Variants in PSD3 observed in about 807,000 individuals in gnomAD.
The protein encoded by PSD3 is PH and SEC7 domain-containing protein 3.
PSD3 carries 49 observed loss-of-function variants against 105.5 expected under a neutral mutation model. The observed-to-expected ratio is 0.46, with a 90% confidence interval of 0.37 to 0.59. PSD3 has a LOEUF of 0.59. Among genes scored for constraint, PSD3 ranks in the 20% least tolerant of loss-of-function variants. PSD3 has a pLI of 0.00. For synonymous variants in PSD3, 557 were observed against 457.8 expected (o/e 1.22, Z -2.77); for missense variants, 1,561 against 1,263.8 (o/e 1.24, Z -3.57).
intron 9 of PSD3, among the ~76,000 whole-genome samples, chr8:18,656,386 T>C (rs111970972): frequency 1.3e-5 from 2 of 150,126 alleles, no homozygotes; most frequent in Non-Finnish European, 3.0e-5. Context: ...ATGAAAGAAA[T>C]AGAATTGTTT....
At chr8:18,583,948 T>C (rs1016486602) in intron 12 of PSD3, among the ~76,000 whole-genome samples, 5 of 152,292 alleles carry the variant, frequency 3.3e-5, no homozygotes, top group African/African-American at 1.2e-4. Context: ...GGTAAATTTA[T>C]GGCCCTCTGT....
At chr8:18,997,424 C>T (rs995144220) in intron 1 of PSD3, among the ~76,000 whole-genome samples, 1 of 151,928 alleles carries the variant, frequency 6.6e-6, no homozygotes, top group Non-Finnish European at 1.5e-5. Context: ...GTCCAAGCCA[C>T]CACCCTCACT....
At chr8:18,948,958 C>T (rs1319212984) in intron 1 of PSD3, among the ~76,000 whole-genome samples, 1 of 151,712 alleles carries the variant, frequency 6.6e-6, no homozygotes, top group African/African-American at 2.4e-5. Flanking sequence ...TTAAGTGAAA[C>T]ATGTAATACC....
chr8:18,791,575 G>A (rs889101801), intron 8 of PSD3, among the ~76,000 whole-genome samples: 3 of 152,008 alleles, frequency 2.0e-5, no homozygotes, highest in Non-Finnish European at 4.4e-5. Context: ...TACAAAAATC[G>A]ACTCAAGATG....
intron 8 of PSD3, among the ~76,000 whole-genome samples, chr8:18,779,426 A>G (rs1808403126): frequency 6.7e-6 from 1 of 149,778 alleles, no homozygotes; most frequent in Admixed American, 6.6e-5. Context: ...TCCTCTGTAT[A>G]GCCTTTTTTT....
intron 1 of PSD3, among the ~76,000 whole-genome samples, chr8:19,045,455 A>T (rs1398669387): frequency 2.0e-5 from 3 of 152,190 alleles, no homozygotes; most frequent in Non-Finnish European, 2.9e-5. Flanking sequence ...GCCGCCCTTG[A>T]ACACAGCCAA....
chr8:18,772,829 C>A (rs923085763), intron 8 of PSD3, among the ~76,000 whole-genome samples: 2 of 152,224 alleles, frequency 1.3e-5, no homozygotes, highest in Admixed American at 1.3e-4. Context: ...ATTTCTAGAC[C>A]ATCTTTGGAT....
chr8:18,750,944 A>C (rs1585830975), intron 9 of PSD3, among the ~76,000 whole-genome samples: 1 of 151,760 alleles, frequency 6.6e-6, no homozygotes, highest in South Asian at 2.1e-4. Context: ...AAGACTCTCC[A>C]CCTCCCCACC....
chr8:18,782,870 G>A (rs940237448), intron 8 of PSD3, among the ~76,000 whole-genome samples: 9 of 152,194 alleles, frequency 5.9e-5, no homozygotes, highest in African/African-American at 2.2e-4. Context: ...GCCGTAGGCA[G>A]GGCAGTGGCA....
intron 4 of PSD3, among the ~76,000 whole-genome samples, chr8:18,830,778 G>A (rs2129450341): frequency 6.6e-6 from 1 of 152,282 alleles, no homozygotes; most frequent in Middle Eastern, 3.4e-3. Context: ...AGACATGGAA[G>A]TATCTGCTTC....
chr8:18,601,311 T>C (rs1804424409), intron 11 of PSD3, among the ~76,000 whole-genome samples: 1 of 152,146 alleles, frequency 6.6e-6, no homozygotes, highest in African/African-American at 2.4e-5. Context: ...AACTGGAAAA[T>C]GTTATTGCTT....
rs199820220 is a variant in PSD3, at chr8:18,677,807, A to G, written c.2173-22122T>C. Among the ~76,000 whole-genome samples the G allele has an allele frequency of 1.6e-4, 24 of 152,226 alleles. No homozygotes were observed. The South Asian group carries it at 2.5e-3, about 16-fold the overall frequency. On this transcript the variant is annotated intron_variant, in intron 9 of 15. Coordinates refer to ENST00000327040, the MANE Select transcript of PSD3 (RefSeq NM_015310.4). ...GGCCAGATCACGAGGTCAGGAGATC[A>G]AAACCATCCTGGCTAACACGGTGAA... is the stretch of plus-strand genomic sequence containing the variant.
chr8:19,072,719 G>A (rs1829311478), intron 1 of PSD3, among the ~76,000 whole-genome samples: 3 of 152,284 alleles, frequency 2.0e-5, no homozygotes, highest in South Asian at 4.2e-4. Flanking sequence ...GCCAAAATTC[G>A]GGTGGATGGA....
chr8:19,055,927 T>C (rs1379548266), intron 1 of PSD3, among the ~76,000 whole-genome samples: 2 of 152,208 alleles, frequency 1.3e-5, no homozygotes, highest in Non-Finnish European at 2.9e-5. Context: ...GAGAACACAC[T>C]ACTTTCCCAG....
intron 1 of PSD3, among the ~76,000 whole-genome samples, chr8:19,002,458 A>G (rs1309497999): frequency 6.6e-6 from 1 of 152,020 alleles, no homozygotes; most frequent in East Asian, 1.9e-4. Context: ...TCAACTTAGT[A>G]GTTCTAGTAT....
intron 1 of PSD3, among the ~76,000 whole-genome samples, chr8:19,012,849 G>A (rs1022498648): frequency 2.6e-5 from 4 of 152,218 alleles, no homozygotes; most frequent in African/African-American, 9.7e-5. Flanking sequence ...GCTATCGGGA[G>A]AACCAGTGTC....
chr8:18,908,595 C>T (rs971004966), intron 2 of PSD3, among the ~76,000 whole-genome samples: 1 of 152,186 alleles, frequency 6.6e-6, no homozygotes, highest in Non-Finnish European at 1.5e-5. Context: ...CTGATCATCT[C>T]AAACAGTCTG....
rs1396145876 is a variant in PSD3 at position 18,708,448 on chromosome 8, AT to A, written c.2173-52764del. Among the ~76,000 whole-genome samples the A allele has an allele frequency of 8.6e-5, 13 of 150,478 alleles. No individual in the cohort carries two copies. In the South Asian group the frequency reaches 2.1e-3, roughly 25 times the overall value. ...CTGGGATTGAAAAAAAAATTAGAAAATTTTTTTTTTCCACAGAAAAATTTCT... is the reference window on the plus strand; with the variant it reads ...CTGGGATTGAAAAAAAAATTAGAAAATTTTTTTTTCCACAGAAAAATTTCT... On this transcript the variant is annotated intron_variant, in intron 9 of 15. Coordinates refer to ENST00000327040, the MANE Select transcript of PSD3 (RefSeq NM_015310.4).
intron 14 of PSD3, among the ~76,000 whole-genome samples, chr8:18,562,215 C>T (rs1356582708): frequency 6.6e-6 from 1 of 152,152 alleles, no homozygotes; most frequent in African/African-American, 2.4e-5. Flanking sequence ...CCAGTCTTTT[C>T]CTCCAAGCTG....
Sources: allele counts gnomAD v4.1 joint callset (sites outside exome capture counted in the v4.1 genomes callset), GRCh38; gene constraint gnomAD v4.1.1; transcripts MANE v1.5; gene names NCBI Gene and HGNC (gene_info 2026-07-23, HGNC 2026-07-21).